MARCHF3: variants seen among roughly 807,000 people sequenced by gnomAD.
MARCHF3 encodes E3 ubiquitin-protein ligase MARCHF3.
Under a neutral mutation model 24.2 loss-of-function variants are expected in MARCHF3, and 13 were observed. The ratio of observed to expected loss-of-function variants is 0.54; its 90% CI spans 0.35 to 0.85. MARCHF3 has a LOEUF of 0.85. Among genes scored for constraint, MARCHF3 ranks in the 40% least tolerant of loss-of-function variants. MARCHF3 has a pLI of 0.01. For synonymous variants in MARCHF3, 144 were observed against 137.3 expected, an observed-to-expected ratio of 1.05 and a Z score of -0.34; for missense variants, 276 against 325.0, an observed-to-expected ratio of 0.85 and a Z score of 1.16.
intron 1 of MARCHF3, among the ~76,000 whole-genome samples, chr5:126,955,268 A>C (rs1245561489): frequency 6.6e-6 from 1 of 152,228 alleles, no homozygotes; most frequent in Admixed American, 6.5e-5. Flanking sequence ...CCATTAAGAG[A>C]CATTAGGTCT....
chr5:126,878,096 G>A (rs768737976), intron 4 of MARCHF3, 89 bp downstream of exon 4: 14 of 1,292,366 alleles, frequency 1.1e-5, no homozygotes, highest in Non-Finnish European at 1.5e-5. Context: ...GGGCAGGTGA[G>A]ATGTGTTACA....
chr5:126,987,488 C>T (rs536565108), intron 1 of MARCHF3, among the ~76,000 whole-genome samples: 139 of 152,306 alleles, frequency 9.1e-4, no homozygotes, highest in African/African-American at 3.0e-3. Context: ...TCTGCCTGCC[C>T]CATGGGTTTT....
intron 1 of MARCHF3, among the ~76,000 whole-genome samples, chr5:126,986,840 A>C (rs1264484910): frequency 6.6e-6 from 1 of 152,256 alleles, no homozygotes; most frequent in Non-Finnish European, 1.5e-5. Context: ...TAATACTAAA[A>C]GGAAAAAGAC....
intron 1 of MARCHF3, among the ~76,000 whole-genome samples, chr5:127,000,011 G>T (rs1341701373): frequency 6.7e-6 from 1 of 148,840 alleles, no homozygotes; most frequent in Non-Finnish European, 1.5e-5. Flanking sequence ...ATTCTATAAA[G>T]TACATTAGAA....
At chr5:126,892,931 C>T (rs373283370) in intron 3 of MARCHF3, among the ~76,000 whole-genome samples, 2 of 150,070 alleles carry the variant, frequency 1.3e-5, no homozygotes, top group Non-Finnish European at 3.0e-5. Context: ...GACTCTTTTT[C>T]GTTGGTAAGC....
chr5:126,987,971 G>T (rs1751625311), intron 1 of MARCHF3, among the ~76,000 whole-genome samples: 1 of 152,108 alleles, frequency 6.6e-6, no homozygotes, highest in South Asian at 2.1e-4. Flanking sequence ...ACGGGAAGCC[G>T]CATGAGGGAC....
At chr5:126,957,742 T>C (rs1750497693) in intron 1 of MARCHF3, among the ~76,000 whole-genome samples, 1 of 152,142 alleles carries the variant, frequency 6.6e-6, no homozygotes. Context: ...TAGAGGAAGA[T>C]TCCCAACATT....
chr5:126,930,322 A>G (rs551907922), intron 1 of MARCHF3, among the ~76,000 whole-genome samples: 2 of 152,202 alleles, frequency 1.3e-5, no homozygotes, highest in Non-Finnish European at 2.9e-5. Flanking sequence ...ACACTCCTCA[A>G]CAACTTTCTA....
intron 1 of MARCHF3, among the ~76,000 whole-genome samples, chr5:126,966,905 C>CTTTTTTTTTTTTT (rs779454094): frequency 4.4e-4 from 2 of 4,498 alleles, no homozygotes; most frequent in African/African-American, 1.4e-3. Context: ...CTGTGAGAGC[C>CTTTTTTTTTTTTT]TTTTTTTTTT....
At chr5:126,984,946 G>A (rs1341799641) in intron 1 of MARCHF3, among the ~76,000 whole-genome samples, 1 of 152,192 alleles carries the variant, frequency 6.6e-6, no homozygotes, top group Non-Finnish European at 1.5e-5. Flanking sequence ...TGGAAAGGTG[G>A]GAGCTGGGAG....
At chr5:126,897,332 C>G (rs946613875) in intron 3 of MARCHF3, among the ~76,000 whole-genome samples, 5 of 151,890 alleles carry the variant, frequency 3.3e-5, no homozygotes, top group African/African-American at 1.2e-4. Flanking sequence ...AGCCACCGCC[C>G]CTGGCCAAGA....
chr5:126,951,276 T>G (rs1750222183), intron 1 of MARCHF3, among the ~76,000 whole-genome samples: 2 of 152,222 alleles, frequency 1.3e-5, no homozygotes, highest in Admixed American at 1.3e-4. Flanking sequence ...ACTATCATCT[T>G]ATGCTACAGG....
intron 3 of MARCHF3, among the ~76,000 whole-genome samples, chr5:126,908,639 A>G (rs1408681950): frequency 6.6e-6 from 1 of 151,378 alleles, no homozygotes; most frequent in Non-Finnish European, 1.5e-5. Context: ...TGCATTCTTC[A>G]TGTTGCTCTC....
chr5:126,915,071 G>C lies in MARCHF3; in HGVS notation c.252C>G (p.Leu84=), dbSNP rs1220517300. ...AGGTCCCTGTACATTCACATGGAGA[G>C]AGCAAGTCCTCTTGGCTGCTGCCCT... The part of the protein sequence containing the change: ...CHEGSSQEDL[L]SPCECTGTLG... Residue 84 remains leucine (L), a synonymous_variant, in exon 3 of 5, where the codon CTC becomes CTG. Transcript: ENST00000308660. The C allele has an allele frequency of 1.2e-6, 2 of 1,614,206 alleles. No homozygotes were observed. Among genetic ancestry groups the C allele is most frequent in the South Asian group, 2.2e-5 (2 of 91,074 alleles).
intron 1 of MARCHF3, among the ~76,000 whole-genome samples, chr5:126,939,505 ACATAAAACACAGAAC>A (rs560092964): frequency 2.2e-4 from 34 of 152,344 alleles, no homozygotes; most frequent in Admixed American, 7.2e-4. Context: ...CAGTATTAGT[ACATAAAACACAGAAC>A]CATAGTATCT....
At chr5:126,974,414 G>A (rs1029131209) in intron 1 of MARCHF3, among the ~76,000 whole-genome samples, 1 of 152,190 alleles carries the variant, frequency 6.6e-6, no homozygotes, top group African/African-American at 2.4e-5. Flanking sequence ...TCTGAATTCT[G>A]TTATTGGACC....
intron 3 of MARCHF3, among the ~76,000 whole-genome samples, chr5:126,887,730 TCAGA>T (rs1753551965): frequency 6.6e-6 from 1 of 152,288 alleles, no homozygotes; most frequent in African/African-American, 2.4e-5. Context: ...AGCTCCTACC[TCAGA>T]GCCTTACAGT....
At position 126,889,594 on chromosome 5, in the gene MARCHF3, T is replaced by C. The variant is rs186269371; in HGVS notation, c.394-11200A>G. Among the ~76,000 whole-genome samples the C allele has an allele frequency of 3.3e-5, 5 of 152,148 alleles. No individual in the cohort carries two copies. The East Asian group carries it at 7.7e-4, about 24-fold the overall frequency. On this transcript the variant is annotated intron_variant, in intron 3 of 4. Coordinates refer to ENST00000308660, the MANE Select transcript of MARCHF3 (RefSeq NM_178450.5). ...AAAGTAAGCAAGAATGGGAACACTTTGAAAAAGGGGAAATTTCTTCCAAAT... is the reference window on the plus strand; with the variant it reads ...AAAGTAAGCAAGAATGGGAACACTTCGAAAAAGGGGAAATTTCTTCCAAAT...
At position 126,910,995 on chromosome 5, in the gene MARCHF3, C is replaced by T. The variant is rs544349238; in HGVS notation, c.393+3935G>A. On this transcript the variant is annotated intron_variant, in intron 3 of 4. Transcript: ENST00000308660. Reference sequence around the variant, plus strand: ...TTCGGGGGCAGCCGTCTTTTATGGTCGAAGCTGTAGGGATGAAATAAGCCC... The same window carrying T: ...TTCGGGGGCAGCCGTCTTTTATGGTTGAAGCTGTAGGGATGAAATAAGCCC... Among the ~76,000 whole-genome samples the T allele has an allele frequency of 1.2e-4, 19 of 152,214 alleles. No homozygotes were observed. The East Asian group carries it at 1.7e-3, about 14-fold the overall frequency.
Sources: gnomAD v4.1 joint callset for allele counts (sites outside exome capture counted in the v4.1 genomes callset) on GRCh38, gnomAD v4.1.1 for gene constraint, MANE v1.5 for transcripts, NCBI Gene and HGNC (gene_info 2026-07-23, HGNC 2026-07-21) for gene names.